POLR1C: variants seen among roughly 807,000 people sequenced by gnomAD.
The protein encoded by POLR1C is RNA polymerase I and III subunit C.
POLR1C carries 42 observed loss-of-function variants against 38.3 expected under a neutral mutation model. The ratio of observed to expected loss-of-function variants is 1.10; its 90% CI spans 0.86 to 1.42. The LOEUF (loss-of-function observed/expected upper bound fraction) is 1.42. Ranked by LOEUF, POLR1C falls within the 40% of genes most tolerant of loss-of-function variation. The probability of loss-of-function intolerance (pLI) is 0.00; values close to 1 mark genes in which losing one functional copy is unlikely to be tolerated. For missense variants in POLR1C, 507 were observed against 450.5 expected (o/e 1.13, Z -1.14); for synonymous variants, 163 against 163.9 (o/e 0.99, Z 0.04).
downstream of POLR1C, chr6:43,524,152 G>T (rs1793382109): frequency 8.4e-7 from 1 of 1,188,326 alleles, no homozygotes; most frequent in African/African-American, 1.5e-5. Flanking sequence ...AGGAGTTCAA[G>T]ACCAGCCTGA....
chr6:43,525,256 A>C, downstream of POLR1C: 2 of 1,529,522 alleles, frequency 1.3e-6, no homozygotes, highest in Non-Finnish European at 1.8e-6. Flanking sequence ...AAAAAGAAGC[A>C]CAGTTTTCTC....
chr6:43,523,835 G>C (rs372044826), downstream of POLR1C: 9 of 1,613,820 alleles, frequency 5.6e-6, no homozygotes, highest in African/African-American at 1.2e-4. Flanking sequence ...GAGATGACAA[G>C]AAAGGCCGAG....
At chr6:43,562,089 T>C in exon 11 of POLR1C, 3 of 538,388 alleles carry the variant, frequency 5.6e-6, no homozygotes, top group Middle Eastern at 3.0e-4. Context: ...CACTATTCTA[T>C]TAAGATAATT....
At chr6:43,520,846 C>T (rs543605130) in intron 7 of POLR1C, 72 bp downstream of exon 7, 22 of 1,598,824 alleles carry the variant, frequency 1.4e-5, no homozygotes, top group Middle Eastern at 1.7e-4. Context: ...GAAATAAAAA[C>T]CCTGGGCTCC....
rs1106841 is a variant in POLR1C at position 43,528,924 on chromosome 6, A to C, written c.923-325A>C. The C allele has an allele frequency of 0.39, 627,177 of 1,609,480 alleles. 127,379 individuals carry two copies. The highest frequency in any genetic ancestry group is 0.63 in the African/African-American group (46,737 of 74,774). Reference sequence around the variant, plus strand: ...AGAGCACCAGAGGCTTTACAAAGACACGTGCTGCAACAAGTTAAGAAATTT... The same window carrying C: ...AGAGCACCAGAGGCTTTACAAAGACCCGTGCTGCAACAAGTTAAGAAATTT... On this transcript the variant is annotated intron_variant, in intron 8 of 8. Coordinates refer to the POLR1C transcript ENST00000304004.
Position 43,560,065 on chromosome 6 carries a change from C to T in POLR1C, c.*49-1335C>T, listed in dbSNP as rs1041328649. ...AACTCCTGGGCTCAAGCGATCCTCC[C>T]GCCTCAGCCTTCCATAGAGCTGGGA... On this transcript the variant is annotated intron_variant, in intron 10 of 10. Transcript: ENST00000607635. 41 of 1,327,982 alleles carry T rather than the reference C, an allele frequency of 3.1e-5. 1 individual carries two copies. The South Asian group carries it at 5.0e-4, about 16-fold the overall frequency. 82.3% of individuals were successfully genotyped at this position (1,327,982 alleles called of 1,614,324 possible). A position where few individuals can be genotyped will look rare whatever the true frequency, so the allele number is the denominator to read the frequency against.
At chr6:43,525,726 T>G, downstream of POLR1C, 1 of 1,120,748 alleles carries the variant, frequency 8.9e-7, no homozygotes, top group Admixed American at 2.8e-5. Flanking sequence ...CAGGAACTTA[T>G]GTAACAAAGG....
chr6:43,553,503 G>A lies in POLR1C; in HGVS notation c.*48+2492G>A. The A allele has an allele frequency of 1.9e-6, 3 of 1,551,320 alleles. 1 individual carries two copies. The highest frequency in any genetic ancestry group is 2.6e-6 in the Non-Finnish European group (3 of 1,147,912). Reference sequence around the variant, plus strand: ...TTCTCCAGTTCCAACTGCAGAACAAGCTTTAAAACACACACACACACATAC... The same window carrying A: ...TTCTCCAGTTCCAACTGCAGAACAAACTTTAAAACACACACACACACATAC... On this transcript the variant is annotated intron_variant, in intron 10 of 10. Coordinates refer to the POLR1C transcript ENST00000607635.
At chr6:43,525,288 A>C, downstream of POLR1C, 1 of 1,363,216 alleles carries the variant, frequency 7.3e-7, no homozygotes, top group East Asian at 2.5e-5. Flanking sequence ...ACACATCAGG[A>C]GCCGGAGGGT....
Position 43,521,411 on chromosome 6 carries a change from A to ATCG in POLR1C, c.*112_*113insCGT. The ATCG allele has an allele frequency of 6.3e-7, 1 of 1,592,590 alleles. No homozygotes were observed. Among genetic ancestry groups the ATCG allele is most frequent in the African/African-American group, 1.3e-5 (1 of 74,528 alleles). ...TAGGGATCCTGAGTTTTCTGGGACA[A>ATCG]TTCCAGCTTTAATCAATACATTTTG... On this transcript the variant is annotated 3_prime_UTR_variant, in exon 9 of 9. Transcript: ENST00000642195.
At position 43,519,803 on chromosome 6, in the gene POLR1C, A is replaced by G; in HGVS notation, c.347A>G (p.His116Arg). Residue 116 changes from histidine to arginine, a missense_variant, in exon 4 of 9, where the codon CAT becomes CGT. By Grantham distance (29) the His-to-Arg change is conservative (BLOSUM62 0). Coordinates refer to ENST00000642195, the MANE Select transcript of POLR1C (RefSeq NM_203290.4). ...CACCGTCTGGGGCTCATTCCCATTC[A>G]TGCTGATCCCCGTCTTTTTGAGTAT... ...LAHRLGLIPI[H>R]ADPRLFEYRN... 1 of 1,614,198 alleles carries G rather than the reference A, an allele frequency of 6.2e-7. No homozygotes were observed. Among genetic ancestry groups the G allele is most frequent in the Non-Finnish European group, 8.5e-7 (1 of 1,180,032 alleles).
chr6:43,536,166 G>A (rs1794308453), intron 9 of POLR1C, among the ~76,000 whole-genome samples: 1 of 151,706 alleles, frequency 6.6e-6, no homozygotes, highest in South Asian at 2.1e-4. Flanking sequence ...TGTAATCCCA[G>A]CACTTTGGGA....
downstream of POLR1C, among the ~76,000 whole-genome samples, chr6:43,534,514 C>T (rs959075676): frequency 1.6e-4 from 24 of 152,298 alleles, no homozygotes; most frequent in South Asian, 1.9e-3. Context: ...AAATGACCTA[C>T]CTGAGCAATT....
At chr6:43,558,062 T>C (rs1450671325) in intron 10 of POLR1C, among the ~76,000 whole-genome samples, 1 of 149,306 alleles carries the variant, frequency 6.7e-6, no homozygotes, top group Non-Finnish European at 1.5e-5. Context: ...GCCATTGCAC[T>C]CCAGCCTGGG....
intron 9 of POLR1C, among the ~76,000 whole-genome samples, chr6:43,540,675 C>T (rs771606145): frequency 1.3e-5 from 2 of 151,904 alleles, no homozygotes; most frequent in Non-Finnish European, 2.9e-5. Context: ...ATTAAAAAAT[C>T]GATATGGGGT....
chr6:43,534,493 G>A (rs1350325353), downstream of POLR1C, among the ~76,000 whole-genome samples: 1 of 152,168 alleles, frequency 6.6e-6, no homozygotes. Context: ...AACACATGCT[G>A]TCCCCCACCA....
chr6:43,561,138 T>G, intron 10 of POLR1C: 1 of 742,762 alleles, frequency 1.3e-6, no homozygotes, highest in Non-Finnish European at 2.2e-6. Context: ...GTATTTCCTT[T>G]TGGCTAAAGA....
chr6:43,535,813 CA>C lies in POLR1C; in HGVS notation c.*4+6472del, dbSNP rs60341205. 8.9e-3 allele frequency among the ~76,000 whole-genome samples: 641 copies of C among 71,824 alleles called. 11 individuals are homozygous for C. Among genetic ancestry groups the C allele is most frequent in the Admixed American group, 0.071 (450 of 6,296 alleles). The allele number at this position is 71,824 out of a possible 152,430, so 47.1% of individuals were successfully genotyped here. ...TGTGTGACAGAGCGAGACTCCATCT[CA>C]AAAAAAAAAAAAAAAAAGTCATTCT... is the stretch of plus-strand genomic sequence containing the variant. On this transcript the variant is annotated intron_variant, in intron 9 of 10. Transcript: ENST00000607635.
chr6:43,549,412 G>T, intron 9 of POLR1C: 2 of 1,396,676 alleles, frequency 1.4e-6, no homozygotes, highest in Non-Finnish European at 1.9e-6. Context: ...TTTTCTTTAT[G>T]TGAGGTACAC....
Sources: allele counts gnomAD v4.1 joint callset (sites outside exome capture counted in the v4.1 genomes callset), GRCh38; gene constraint gnomAD v4.1.1; transcripts MANE v1.5; gene names NCBI Gene and HGNC (gene_info 2026-07-23, HGNC 2026-07-21).